FAF2: variants seen among roughly 807,000 people sequenced by gnomAD.
FAF2 encodes the protein FAS-associated factor 2.
FAF2 carries 9 observed loss-of-function variants against 62.3 expected under a neutral mutation model. The observed-to-expected ratio is 0.14, with a 90% CI of 0.09 to 0.25. The LOEUF (loss-of-function observed/expected upper bound fraction) is 0.25, where lower values mean the gene tolerates loss of function less well. FAF2 is among the 10% of genes least tolerant of loss of function. The pLI, the probability that FAF2 is intolerant of heterozygous loss-of-function variation, is 1.00. For missense variants in FAF2, 368 were observed against 556.2 expected (o/e 0.66, Z 3.40); for synonymous variants, 202 against 198.0 (o/e 1.02, Z -0.17).
chr5:176,495,651 A>C (rs1327193893), intron 7 of FAF2, among the ~76,000 whole-genome samples: 2 of 151,836 alleles, frequency 1.3e-5, no homozygotes, highest in African/African-American at 2.4e-5. Flanking sequence ...ATCTGGAATT[A>C]CAGGCGCGTA....
chr5:176,464,748 T>C (rs530153780), intron 1 of FAF2, among the ~76,000 whole-genome samples: 1 of 151,862 alleles, frequency 6.6e-6, no homozygotes, highest in Non-Finnish European at 1.5e-5. Context: ...GATATTAGTT[T>C]TTTTTTTTTT....
At chr5:176,467,513 T>C (rs572747391) in intron 1 of FAF2, among the ~76,000 whole-genome samples, 3 of 152,176 alleles carry the variant, frequency 2.0e-5, no homozygotes, top group Non-Finnish European at 4.4e-5. Flanking sequence ...TTTGTATTTA[T>C]ACAGAACCGG....
rs1255847358 is a variant in FAF2 at position 176,477,241 on chromosome 5, G to A, written c.64-1947G>A. ...ATTACAGGCATGAGCCACCGTGCCC[G>A]GCCTTTTTTTTTTTTTTTTTTTTAA... On this transcript the variant is annotated intron_variant, in intron 1 of 10. Coordinates refer to ENST00000261942, the MANE Select transcript of FAF2 (RefSeq NM_014613.3). Among the ~76,000 whole-genome samples the A allele has an allele frequency of 1.3e-4, 14 of 108,106 alleles. 1 individual carries two copies. The highest frequency in any genetic ancestry group is 1.0e-3 in the Admixed American group (9 of 8,824). The allele number at this position is 108,106 out of a possible 152,430, so 70.9% of individuals were successfully genotyped here.
chr5:176,454,179 G>A (rs913399610), intron 1 of FAF2, among the ~76,000 whole-genome samples: 36 of 151,614 alleles, frequency 2.4e-4, no homozygotes, highest in Non-Finnish European at 4.9e-4. Flanking sequence ...GATCACTTGA[G>A]GCCAGGAGTT....
At chr5:176,474,902 T>A (rs1033361194) in intron 1 of FAF2, among the ~76,000 whole-genome samples, 4 of 152,204 alleles carry the variant, frequency 2.6e-5, no homozygotes, top group African/African-American at 9.7e-5. Context: ...GAATGTATGT[T>A]GATATATGAA....
At position 176,482,981 on chromosome 5, in the gene FAF2, CGG is replaced by C. The variant is rs1561822719; in HGVS notation, c.133-3373_133-3372del. ...TCTTGACCTTGTGATCCGCCCGCCTCGGCCTCCCAAAGTGCTGGGATTACAGG... is the reference window on the plus strand; with the variant it reads ...TCTTGACCTTGTGATCCGCCCGCCTCCCTCCCAAAGTGCTGGGATTACAGG... On this transcript the variant is annotated intron_variant, in intron 2 of 10. Transcript: ENST00000261942. Among the ~76,000 whole-genome samples the C allele has an allele frequency of 1.3e-3, 201 of 152,116 alleles. 1 individual carries two copies. Among genetic ancestry groups the C allele is most frequent in the African/African-American group, 4.6e-3 (189 of 41,534 alleles).
chr5:176,480,745 G>A (rs1758772259), intron 2 of FAF2, among the ~76,000 whole-genome samples: 3 of 135,018 alleles, frequency 2.2e-5, no homozygotes, highest in Non-Finnish European at 4.6e-5. Flanking sequence ...TAATTCTAGA[G>A]AATTTCAGTT....
chr5:176,494,350 A>G lies in FAF2; in HGVS notation c.661+75A>G, dbSNP rs78205038. 2,675 of 1,213,220 alleles carry G rather than the reference A, an allele frequency of 2.2e-3. 43 individuals carry two copies. In the African/African-American group the frequency reaches 0.036, roughly 16 times the overall value. The allele number at this position is 1,213,220 out of a possible 1,614,324, so 75.2% of individuals were successfully genotyped here. On this transcript the variant is annotated intron_variant, in intron 7 of 10. Coordinates refer to ENST00000261942, the MANE Select transcript of FAF2 (RefSeq NM_014613.3). This position sits in a 1 kb window ranked among gnomAD's most constrained non-coding sequence, Gnocchi z 4.0. ...ATAGTCTGGAAAGACATGCCATGCC[A>G]TTTATTACAAGTGTGTTTGTTCTGT...
At chr5:176,505,897 G>A (rs868245621) in intron 10 of FAF2, among the ~76,000 whole-genome samples, 7 of 152,038 alleles carry the variant, frequency 4.6e-5, no homozygotes, top group Middle Eastern at 3.4e-3. Flanking sequence ...GGCTGGGCAC[G>A]GTGGCTCACG....
At chr5:176,450,554 A>T (rs771837009) in intron 1 of FAF2, among the ~76,000 whole-genome samples, 8 of 150,846 alleles carry the variant, frequency 5.3e-5, no homozygotes, top group Admixed American at 5.3e-4. Flanking sequence ...TTCTGTGGAG[A>T]TCTTTTTTTT....
rs1185721284 is a variant in FAF2 at position 176,507,266 on chromosome 5, T to C, written c.*316T>C. 2.2e-6 allele frequency: 1 copy of C among 454,480 alleles called. No individual in the cohort carries two copies. Among genetic ancestry groups the C allele is most frequent in the Non-Finnish European group, 4.4e-6 (1 of 226,542 alleles). The allele number at this position is 454,480 out of a possible 1,614,324, so 28.2% of individuals were successfully genotyped here. A position where few individuals can be genotyped will look rare whatever the true frequency, so the allele number is the denominator to read the frequency against. On this transcript the variant is annotated 3_prime_UTR_variant, in exon 11 of 11. Transcript: ENST00000261942. ...CTCTTCACCTTCGACCCATCCATTG[T>C]CCCAGCTGGGAAGGGGACATTCCCA...
At chr5:176,486,298 T>A in intron 2 of FAF2, 57 bp from the exon 3 acceptor site, 1 of 1,604,432 alleles carries the variant, frequency 6.2e-7, no homozygotes, top group East Asian at 2.2e-5. Context: ...CCTCACCTCT[T>A]GTTGTTGGTT....
Position 176,509,751 on chromosome 5 carries a change from G to A in FAF2, c.*2801G>A. 1 of 152,648 alleles carries A rather than the reference G, an allele frequency of 6.6e-6. No individual in the cohort carries two copies. The highest frequency in any genetic ancestry group is 1.5e-5 in the Non-Finnish European group (1 of 68,034). 9.5% of individuals were successfully genotyped at this position (152,648 alleles called of 1,614,324 possible). On this transcript the variant is annotated 3_prime_UTR_variant, in exon 11 of 11. Coordinates refer to ENST00000261942, the MANE Select transcript of FAF2 (RefSeq NM_014613.3). ...ACCTAGAACCTTCAATTGAGCAGTTGTGAAAATTGCTAATGGTGCCAAGGC... is the reference window on the plus strand; with the variant it reads ...ACCTAGAACCTTCAATTGAGCAGTTATGAAAATTGCTAATGGTGCCAAGGC...
At chr5:176,449,874 A>G (rs1042690404) in intron 1 of FAF2, among the ~76,000 whole-genome samples, 4 of 152,192 alleles carry the variant, frequency 2.6e-5, no homozygotes. Context: ...TAATACAGCA[A>G]CCCTATGAGG....
At chr5:176,497,245 G>A (rs1441302595) in intron 8 of FAF2, among the ~76,000 whole-genome samples, 3 of 150,200 alleles carry the variant, frequency 2.0e-5, no homozygotes, top group Non-Finnish European at 4.4e-5. Flanking sequence ...AAAGAACTTC[G>A]ATGTAAAAAA....
intron 1 of FAF2, among the ~76,000 whole-genome samples, chr5:176,476,888 C>T (rs542987853): frequency 1.4e-5 from 2 of 148,082 alleles, no homozygotes; most frequent in African/African-American, 5.0e-5. Flanking sequence ...CAGCTCACTG[C>T]AAGCTCCACC....
intron 1 of FAF2, among the ~76,000 whole-genome samples, chr5:176,457,497 G>A (rs894634592): frequency 1.3e-5 from 2 of 151,976 alleles, no homozygotes; most frequent in Non-Finnish European, 2.9e-5. Flanking sequence ...GGCCATAAAC[G>A]TTAATTTTGT....
intron 8 of FAF2, among the ~76,000 whole-genome samples, chr5:176,498,437 A>G (rs1483326507): frequency 1.3e-5 from 2 of 152,200 alleles, no homozygotes; most frequent in Non-Finnish European, 2.9e-5. Context: ...AGATATGCCA[A>G]ATGTTATAAT....
rs376229456 is a variant in FAF2, at chr5:176,509,702, C to T, written c.*2752C>T. 1 of 152,606 alleles carries T rather than the reference C, an allele frequency of 6.6e-6. No homozygotes were observed. Among genetic ancestry groups the T allele is most frequent in the East Asian group, 1.9e-4 (1 of 5,194 alleles). 9.5% of individuals were successfully genotyped at this position (152,606 alleles called of 1,614,324 possible). ...GAGATGGCCAGAGGATAACACTTGT[C>T]TCTTAAAAACTAAGCTAAAAAGAAC... On this transcript the variant is annotated 3_prime_UTR_variant, in exon 11 of 11. Transcript: ENST00000261942.
Sources: gnomAD v4.1 joint callset for allele counts (sites outside exome capture counted in the v4.1 genomes callset) on GRCh38, gnomAD v4.1.1 for gene constraint, Gnocchi (gnomAD v3.1) non-coding constraint, MANE v1.5 for transcripts, NCBI Gene and HGNC (gene_info 2026-07-23, HGNC 2026-07-21) for gene names.